NAALADL2: variants seen among roughly 807,000 people sequenced by gnomAD.
NAALADL2 encodes inactive N-acetylated-alpha-linked acidic dipeptidase-like protein 2.
NAALADL2 carries 76 observed loss-of-function variants against 87.2 expected under a neutral mutation model. The ratio of observed to expected loss-of-function variants is 0.87; its 90% CI spans 0.72 to 1.05. NAALADL2 has a LOEUF of 1.05. Among genes scored for constraint, NAALADL2 ranks in the 50% least tolerant of loss-of-function variants. The probability of loss-of-function intolerance (pLI) is 0.00; values close to 1 mark genes in which losing one functional copy is unlikely to be tolerated. For synonymous variants in NAALADL2, 354 were observed against 331.0 expected (o/e 1.07, Z -0.75); for missense variants, 1,089 against 945.8 (o/e 1.15, Z -1.99).
intron 1 of NAALADL2, among the ~76,000 whole-genome samples, chr3:175,018,054 AC>A (rs1189410294): frequency 6.6e-6 from 1 of 152,018 alleles, no homozygotes; most frequent in Non-Finnish European, 1.5e-5. Context: ...CAGCCATGCC[AC>A]CTTTTGGATA....
chr3:175,576,247 G>A, intron 10 of NAALADL2, 60 bp downstream of exon 10: 1 of 1,453,800 alleles, frequency 6.9e-7, no homozygotes, highest in Non-Finnish European at 9.3e-7. Flanking sequence ...TGCAGAATTT[G>A]ATTTTATCCT....
intron 1 of NAALADL2, among the ~76,000 whole-genome samples, chr3:174,926,696 CT>C (rs1736090911): frequency 6.6e-6 from 1 of 152,106 alleles, no homozygotes; most frequent in African/African-American, 2.4e-5. Context: ...AAAAGAGCTC[CT>C]GAAAGAAGTA....
chr3:174,510,894 G>A (rs372379203), intron 1 of NAALADL2, among the ~76,000 whole-genome samples: 5 of 151,736 alleles, frequency 3.3e-5, no homozygotes, highest in East Asian at 3.9e-4. Flanking sequence ...GTGACATGAC[G>A]TGTGTTCATT....
intron 1 of NAALADL2, among the ~76,000 whole-genome samples, chr3:174,943,886 G>C (rs1738991752): frequency 6.6e-6 from 1 of 152,190 alleles, no homozygotes; most frequent in Admixed American, 6.5e-5. Context: ...CAGTGGCAGA[G>C]AGACTTTCAG....
intron 13 of NAALADL2, among the ~76,000 whole-genome samples, chr3:175,786,532 C>G (rs1394768389): frequency 1.3e-5 from 2 of 152,212 alleles, no homozygotes; most frequent in South Asian, 4.1e-4. Flanking sequence ...AGTTCTCGAG[C>G]CTTGGTTTTC....
intron 11 of NAALADL2, among the ~76,000 whole-genome samples, chr3:175,703,008 C>T (rs1468690344): frequency 6.6e-6 from 1 of 151,966 alleles, no homozygotes; most frequent in East Asian, 1.9e-4. Context: ...TATGTAATTT[C>T]CTTACTGTGT....
At chr3:175,775,140 G>A (rs1750048463) in intron 13 of NAALADL2, 1 of 149,772 alleles carries the variant, frequency 6.7e-6, no homozygotes. Context: ...ACTGTGGTTG[G>A]TGATGTTGTT....
In NAALADL2 at chr3:174,793,981, A is replaced by G. The variant is rs186536770; in HGVS notation, c.-9+56235A>G. On this transcript the variant is annotated intron_variant, in intron 3 of 3. Coordinates refer to the NAALADL2 transcript ENST00000434257. ...CAATAGCTTTCCTTTTATAAGAAAG[A>G]AAAATAAAGCTTGGAAAGATCCAAT... Among the ~76,000 whole-genome samples, 27 of 152,238 alleles carry G rather than the reference A, an allele frequency of 1.8e-4. No individual in the cohort carries two copies. The East Asian group carries it at 5.2e-3, about 29-fold the overall frequency.
chr3:175,122,209 A>G (rs886719845), intron 2 of NAALADL2, among the ~76,000 whole-genome samples: 4 of 151,850 alleles, frequency 2.6e-5, no homozygotes, highest in Admixed American at 6.6e-5. Flanking sequence ...GGAAGGAAAT[A>G]GAGGGCCATT....
chr3:174,925,390 G>A (rs1735859255), intron 1 of NAALADL2, among the ~76,000 whole-genome samples: 3 of 152,106 alleles, frequency 2.0e-5, no homozygotes, highest in Non-Finnish European at 4.4e-5. Context: ...TAGATGTGTG[G>A]TATTATTTCT....
intron 3 of NAALADL2, among the ~76,000 whole-genome samples, chr3:174,761,740 A>G (rs1289566896): frequency 1.3e-5 from 2 of 150,508 alleles, no homozygotes; most frequent in Non-Finnish European, 3.0e-5. Flanking sequence ...AGCATTAGGT[A>G]TATCTCCAAA....
At position 175,770,660 on chromosome 3, in the gene NAALADL2, A is replaced by G. The variant is rs11718069; in HGVS notation, c.2189+15242A>G. 4.1e-3 allele frequency among the ~76,000 whole-genome samples: 628 copies of G among 152,288 alleles called. 4 individuals are homozygous for G. Among genetic ancestry groups the G allele is most frequent in the South Asian group, 0.021 (103 of 4,828 alleles). On this transcript the variant is annotated intron_variant, in intron 13 of 13. Transcript: ENST00000454872. ...CAAATGTGCCAGGTACAGTGCCTCC[A>G]ATTTTTTTATTGCTAATCATAGTAG... is the stretch of plus-strand genomic sequence containing the variant.
chr3:175,210,184 A>C (rs1741562744), intron 2 of NAALADL2, among the ~76,000 whole-genome samples: 1 of 151,818 alleles, frequency 6.6e-6, no homozygotes, highest in African/African-American at 2.4e-5. Flanking sequence ...ATTAAATCTG[A>C]ATGGCTAAAC....
chr3:174,676,377 T>C (rs900962828), intron 2 of NAALADL2, among the ~76,000 whole-genome samples: 1 of 151,682 alleles, frequency 6.6e-6, no homozygotes, highest in Admixed American at 6.6e-5. Flanking sequence ...ATATTGTTTT[T>C]GGTTTTTATC....
intron 2 of NAALADL2, among the ~76,000 whole-genome samples, chr3:174,658,560 T>C (rs1292642529): frequency 6.6e-6 from 1 of 152,184 alleles, no homozygotes; most frequent in Non-Finnish European, 1.5e-5. Flanking sequence ...CCTTTGATAG[T>C]ACAGAACACT....
chr3:174,545,443 A>C (rs924846827), intron 1 of NAALADL2, among the ~76,000 whole-genome samples: 1 of 152,170 alleles, frequency 6.6e-6, no homozygotes, highest in Non-Finnish European at 1.5e-5. Context: ...ACATGCCTGA[A>C]ATGTCTTTAT....
intron 11 of NAALADL2, among the ~76,000 whole-genome samples, chr3:175,703,416 T>A (rs142087945): frequency 3.9e-4 from 59 of 152,314 alleles, no homozygotes; most frequent in South Asian, 2.1e-4. Flanking sequence ...CTATAATTAA[T>A]GTTTTCGTTA....
intron 9 of NAALADL2, among the ~76,000 whole-genome samples, chr3:175,515,075 C>T (rs978807531): frequency 6.6e-6 from 1 of 152,190 alleles, no homozygotes; most frequent in Non-Finnish European, 1.5e-5. Flanking sequence ...TGCTTCTTTG[C>T]CTACCTCTTG....
intron 1 of NAALADL2, among the ~76,000 whole-genome samples, chr3:174,957,101 AGAG>A (rs1741256237): frequency 6.6e-6 from 1 of 152,038 alleles, no homozygotes; most frequent in South Asian, 2.1e-4. Flanking sequence ...GTTCCCTGAT[AGAG>A]TCAGTTTAGG....
Sources: allele counts gnomAD v4.1 joint callset (sites outside exome capture counted in the v4.1 genomes callset), GRCh38; gene constraint gnomAD v4.1.1; transcripts MANE v1.5; gene names NCBI Gene and HGNC (gene_info 2026-07-23, HGNC 2026-07-21).